The following MAP3K3 variants were observed in gnomAD, a reference collection of about 807,000 sequenced individuals.
MAP3K3 encodes the protein MAP/ERK kinase kinase 3.
In MAP3K3, 12 loss-of-function variants were observed where a neutral mutation model predicts 80.9. The observed-to-expected ratio is 0.15, with a 90% CI of 0.10 to 0.24. MAP3K3 has a LOEUF of 0.24. Among genes scored for constraint, MAP3K3 ranks in the 10% least tolerant of loss-of-function variants. The pLI is 1.00. For missense variants in MAP3K3, 596 were observed against 834.7 expected, an observed-to-expected ratio of 0.71 and a Z score of 3.52; for synonymous variants, 272 against 307.1, an observed-to-expected ratio of 0.89 and a Z score of 1.19.
chr17:63,641,689 C>T (rs1045112595), intron 2 of MAP3K3, among the ~76,000 whole-genome samples: 2 of 152,100 alleles, frequency 1.3e-5, no homozygotes. Context: ...GCCTCAGATA[C>T]GTGGCAAGCA....
intron 6 of MAP3K3, among the ~76,000 whole-genome samples, chr17:63,676,439 C>T (rs886847259): frequency 1.4e-4 from 21 of 152,210 alleles, no homozygotes; most frequent in African/African-American, 5.1e-4. Context: ...GCATTTCATC[C>T]TGCCTAGGCA....
At position 63,693,510 on chromosome 17, in the gene MAP3K3, G is replaced by C; in HGVS notation, c.1653-39G>C. The C allele has an allele frequency of 6.4e-7, 1 of 1,565,360 alleles. No homozygotes were observed. Among genetic ancestry groups the C allele is most frequent in the Non-Finnish European group, 8.7e-7 (1 of 1,148,598 alleles). On this transcript the variant is annotated intron_variant, in intron 15 of 15. Transcript: ENST00000361733. This position sits in a 1 kb window ranked among gnomAD's most constrained non-coding sequence, Gnocchi z 4.2. ...GGTGGGCAGGACAGCTGGGAGTCCA[G>C]GGCTGGCTGAGGGGTGACACGGGGT...
chr17:63,655,937 G>T (rs1394053650), intron 4 of MAP3K3, among the ~76,000 whole-genome samples: 1 of 152,046 alleles, frequency 6.6e-6, no homozygotes, highest in Non-Finnish European at 1.5e-5. Context: ...TTTTAAATAT[G>T]TACTGTTTTT....
At chr17:63,631,458 T>C (rs186497713) in intron 1 of MAP3K3, among the ~76,000 whole-genome samples, 10 of 152,360 alleles carry the variant, frequency 6.6e-5, no homozygotes, top group Admixed American at 2.6e-4. Flanking sequence ...TTGTATTTGC[T>C]TCTTTTAAGG....
At position 63,693,923 on chromosome 17, in the gene MAP3K3, C is replaced by T; in HGVS notation, c.*146C>T. 1.6e-6 allele frequency: 1 copy of T among 643,836 alleles called. No homozygotes were observed. The highest frequency in any genetic ancestry group is 2.3e-5 in the South Asian group (1 of 44,208). 39.9% of individuals were successfully genotyped at this position (643,836 alleles called of 1,614,324 possible). ...CAGCGTCGGTCTGTGCCCCTTCCGCCACTGGGGCTCAGAGCCGGGGTGGGG... is the reference window on the plus strand; with the variant it reads ...CAGCGTCGGTCTGTGCCCCTTCCGCTACTGGGGCTCAGAGCCGGGGTGGGG... On this transcript the variant is annotated 3_prime_UTR_variant, in exon 16 of 16. Transcript: ENST00000361733. This position sits in a 1 kb window ranked among gnomAD's most constrained non-coding sequence, Gnocchi z 4.2.
At chr17:63,688,441 G>A (rs2035507176) in intron 8 of MAP3K3, 86 bp from the exon 9 acceptor site, 1 of 1,021,536 alleles carries the variant, frequency 9.8e-7, no homozygotes. Context: ...GCTGTGGCAG[G>A]GGTTAGAAAG....
chr17:63,653,820 G>A (rs2034707848), intron 4 of MAP3K3, among the ~76,000 whole-genome samples: 1 of 152,136 alleles, frequency 6.6e-6, no homozygotes, highest in Admixed American at 6.5e-5. Flanking sequence ...GTGGTTTTTA[G>A]TATGCTGATA....
rs570569452 is a variant in MAP3K3 at position 63,637,098 on chromosome 17, T to A, written c.126+4296T>A. The stretch of plus-strand genomic sequence containing the variant: ...GTGTGTAGAGTGTCGATGTTGCAGC[T>A]TTCAACAAGGTCTGAAGCCTTAGAG... On this transcript the variant is annotated intron_variant, in intron 2 of 15. Transcript: ENST00000361733. The A allele has an allele frequency of 9.6e-6, 4 of 416,564 alleles. No individual in the cohort carries two copies. In the East Asian group the frequency reaches 2.3e-4, roughly 24 times the overall value. 25.8% of individuals were successfully genotyped at this position (416,564 alleles called of 1,614,324 possible). A position where few individuals can be genotyped will look rare whatever the true frequency, so the allele number is the denominator to read the frequency against.
In MAP3K3 at chr17:63,689,022, A is replaced by C. The variant is rs1336420992; in HGVS notation, c.871+141A>C. ...GGCCCAGACTTGAGGCATGGGAGAC[A>C]GGAAAAAAACAAAAACAAAAACAGG... On this transcript the variant is annotated intron_variant, in intron 10 of 15. Coordinates refer to ENST00000361733, the MANE Select transcript of MAP3K3 (RefSeq NM_002401.5). This position sits in a 1 kb window ranked among gnomAD's most constrained non-coding sequence, Gnocchi z 4.3. 6.2e-6 allele frequency: 4 copies of C among 644,838 alleles called. No homozygotes were observed. The African/African-American group carries it at 7.3e-5, about 12-fold the overall frequency. The allele number at this position is 644,838 out of a possible 1,614,324, so 39.9% of individuals were successfully genotyped here. A position where few individuals can be genotyped will look rare whatever the true frequency, so the allele number is the denominator to read the frequency against.
At chr17:63,665,554 A>G (rs544845811) in intron 5 of MAP3K3, among the ~76,000 whole-genome samples, 2 of 152,220 alleles carry the variant, frequency 1.3e-5, no homozygotes, top group East Asian at 3.9e-4. Flanking sequence ...AATTCCCACT[A>G]TGTGTAAGGC....
intron 3 of MAP3K3, 82 bp downstream of exon 3, chr17:63,646,156 C>CACAGGGATCAGGACAGGGGAA: frequency 7.8e-7 from 1 of 1,274,930 alleles, no homozygotes; most frequent in Non-Finnish European, 1.1e-6. Flanking sequence ...AGTCATTCCC[C>CACAGGGATCAGGACAGGGGAA]TGTCCTGATC....
In MAP3K3 at chr17:63,679,874, A is replaced by G. The variant is rs143864474; in HGVS notation, c.503-1892A>G. 3.1e-3 allele frequency among the ~76,000 whole-genome samples: 469 copies of G among 152,308 alleles called. 2 individuals carry two copies. The highest frequency in any genetic ancestry group is 0.011 in the African/African-American group (446 of 41,560). On this transcript the variant is annotated intron_variant, in intron 6 of 15. Transcript: ENST00000361733. ...TAAAACTGTGTATCTCAGATTTTCC[A>G]TCTAAAACTGGTCTGGACTAGGGAT... is the stretch of plus-strand genomic sequence containing the variant.
chr17:63,645,180 A>G (rs2034517608), intron 2 of MAP3K3, among the ~76,000 whole-genome samples: 1 of 152,240 alleles, frequency 6.6e-6, no homozygotes, highest in South Asian at 2.1e-4. Context: ...GGGGATATAG[A>G]AACATGATAG....
At chr17:63,651,336 G>C (rs768560610) in intron 3 of MAP3K3, among the ~76,000 whole-genome samples, 10 of 152,108 alleles carry the variant, frequency 6.6e-5, no homozygotes, top group Non-Finnish European at 1.5e-4. Flanking sequence ...TAAAAAATTA[G>C]TCGGTGCATG....
At position 63,689,435 on chromosome 17, in the gene MAP3K3, G is replaced by A. The variant is rs1322470507; in HGVS notation, c.872-109G>A. ...TATCTATCACTTCTGGCTGAGACCT[G>A]GTTTGTATATTCCGCCTTGTAGCCC... On this transcript the variant is annotated intron_variant, in intron 10 of 15. Coordinates refer to ENST00000361733, the MANE Select transcript of MAP3K3 (RefSeq NM_002401.5). The surrounding 1 kb of genome is among the most constrained non-coding windows in gnomAD (Gnocchi z 4.3). 1 of 911,992 alleles carries A rather than the reference G, an allele frequency of 1.1e-6. No individual in the cohort carries two copies. Among genetic ancestry groups the A allele is most frequent in the Non-Finnish European group, 1.7e-6 (1 of 605,168 alleles). The allele number at this position is 911,992 out of a possible 1,614,324, so 56.5% of individuals were successfully genotyped here. A position where few individuals can be genotyped will look rare whatever the true frequency, so the allele number is the denominator to read the frequency against.
At chr17:63,666,220 T>C (rs562271116) in intron 5 of MAP3K3, among the ~76,000 whole-genome samples, 39 of 152,196 alleles carry the variant, frequency 2.6e-4, no homozygotes, top group Non-Finnish European at 5.3e-4. Context: ...ATGGTACTTA[T>C]GATAGCTTTT....
At position 63,666,988 on chromosome 17, in the gene MAP3K3, G is replaced by C; in HGVS notation, c.430G>C (p.Ala144Pro). The part of the protein sequence containing the change: ...SGVSRQVRIK[A>P]SQSAGDINTI... The stretch of plus-strand genomic sequence containing the variant: ...GGTGTCCAGACAGGTGCGGATCAAG[G>C]CTTCCCAGTCCGCAGGGGATATAAA... Residue 144 changes from alanine (A) to proline (P), a missense_variant, in exon 6 of 16, where the codon GCT becomes CCT. Around this residue, in one of 2 missense-constraint regions of MAP3K3, gnomAD observed 232 missense variants for 245.8 expected, o/e 0.94. Transcript: ENST00000361733. 6.2e-7 allele frequency: 1 copy of C among 1,613,080 alleles called. No individual in the cohort carries two copies. Among genetic ancestry groups the C allele is most frequent in the Non-Finnish European group, 8.5e-7 (1 of 1,179,768 alleles).
At chr17:63,642,465 A>G (rs1445833791) in intron 2 of MAP3K3, among the ~76,000 whole-genome samples, 1 of 151,940 alleles carries the variant, frequency 6.6e-6, no homozygotes, top group Non-Finnish European at 1.5e-5. Flanking sequence ...TTCAAGACCA[A>G]CCTGGCCAGG....
intron 1 of MAP3K3, among the ~76,000 whole-genome samples, chr17:63,624,384 G>C (rs929709687): frequency 2.6e-5 from 4 of 152,182 alleles, no homozygotes; most frequent in Non-Finnish European, 4.4e-5. Context: ...AGGGTATGTA[G>C]ACCATCCACT....
Sources: allele counts gnomAD v4.1 joint callset (sites outside exome capture counted in the v4.1 genomes callset), GRCh38; gene constraint gnomAD v4.1.1; regional missense constraint gnomAD v4.1.1; non-coding constraint Gnocchi (gnomAD v3.1); transcripts MANE v1.5; gene names NCBI Gene and HGNC (gene_info 2026-07-23, HGNC 2026-07-21).